DOC2B: variants seen among roughly 807,000 people sequenced by gnomAD.
DOC2B encodes double C2-like domain-containing protein beta.
Under a neutral mutation model 28.9 loss-of-function variants are expected in DOC2B, and 21 were observed. The observed-to-expected ratio is 0.73, with a 90% CI of 0.52 to 1.05. The LOEUF is 1.05. Ranked by LOEUF, DOC2B falls within the 50% of genes least tolerant of loss-of-function variation. DOC2B has a pLI of 0.00. For synonymous variants in DOC2B, 194 were observed against 178.1 expected, an observed-to-expected ratio of 1.09 and a Z score of -0.71; for missense variants, 384 against 421.1, an observed-to-expected ratio of 0.91 and a Z score of 0.77.
chr17:147,664 C>A (rs1010951405), intron 8 of DOC2B, 87 bp from the exon 9 acceptor site: 2 of 398,480 alleles, frequency 5.0e-6, no homozygotes, highest in Non-Finnish European at 8.8e-6. Flanking sequence ...GTTCTGTGCT[C>A]GAAGGCCAGC....
chr17:147,500 G>A lies in DOC2B; in HGVS notation c.1180C>T (p.Arg394Cys), dbSNP rs2040028766. ...WFDCLKNKDK[R>C]IERWHTLTSE... ...GTGAGCGTGTGCCAGCGCTCGATGC[G>A]CTTGTCCTTGTTCTTCAGGCAGTCA... Residue 394 changes from arginine (R) to cysteine (C), a missense_variant, in exon 9 of 9, where the codon CGC becomes TGC. Transcript: ENST00000613549. 1.3e-5 allele frequency: 5 copies of A among 398,714 alleles called. No individual in the cohort carries two copies. Among genetic ancestry groups the A allele is most frequent in the South Asian group, 1.3e-4 (1 of 7,878 alleles). The allele number at this position is 398,714 out of a possible 1,614,324, so 24.7% of individuals were successfully genotyped here.
rs550694728 is a variant in DOC2B, at chr17:160,336, T to C, written c.765+1079A>G. Among the ~76,000 whole-genome samples the C allele has an allele frequency of 1.4e-4, 22 of 152,294 alleles. No homozygotes were observed. The East Asian group carries it at 3.9e-3, about 27-fold the overall frequency. ...AATAAAACAGGAAAGGTTATATCCA[T>C]CACACAAATGTCTGAGGGGGAGAGA... On this transcript the variant is annotated intron_variant, in intron 5 of 8. Transcript: ENST00000613549.
Position 161,561 on chromosome 17 carries a change from G to T in DOC2B, c.639-20C>A. The T allele has an allele frequency of 6.4e-7, 1 of 1,551,468 alleles. No homozygotes were observed. Among genetic ancestry groups the T allele is most frequent in the Non-Finnish European group, 8.7e-7 (1 of 1,146,940 alleles). On this transcript the variant is annotated intron_variant, in intron 4 of 8. Coordinates refer to ENST00000613549, the MANE Select transcript of DOC2B (RefSeq NM_003585.5). Reference sequence around the variant, plus strand: ...GAGATCCTAGAGGGGGCGGTGGTGAGGGGCACAGCCAGTGCCTCAGACGCA... The same window carrying T: ...GAGATCCTAGAGGGGGCGGTGGTGATGGGCACAGCCAGTGCCTCAGACGCA...
rs1193971414 is a variant in DOC2B, at chr17:181,053, G to T, written c.373+54C>A. ...GGAGGGAAGCCGCGAGGCCGTGGGG[G>T]GGCCGAGCCCGAGCCAGGGGAGGGG... On this transcript the variant is annotated intron_variant, in intron 1 of 8. Coordinates refer to ENST00000613549, the MANE Select transcript of DOC2B (RefSeq NM_003585.5). This position sits in a 1 kb window ranked among gnomAD's most constrained non-coding sequence, Gnocchi z 7.0. 2.5e-6 allele frequency: 3 copies of T among 1,209,984 alleles called. No individual in the cohort carries two copies. Among genetic ancestry groups the T allele is most frequent in the Non-Finnish European group, 3.1e-6 (3 of 970,972 alleles). The allele number at this position is 1,209,984 out of a possible 1,614,324, so 75.0% of individuals were successfully genotyped here.
In DOC2B at chr17:142,864, A is replaced by G. The variant is rs1447386388; in HGVS notation, c.*4577T>C. 6.6e-6 allele frequency: 1 copy of G among 152,260 alleles called. No individual in the cohort carries two copies. Among genetic ancestry groups the G allele is most frequent in the Non-Finnish European group, 1.5e-5 (1 of 68,044 alleles). The allele number at this position is 152,260 out of a possible 1,614,324, so 9.4% of individuals were successfully genotyped here. A position where few individuals can be genotyped will look rare whatever the true frequency, so the allele number is the denominator to read the frequency against. On this transcript the variant is annotated 3_prime_UTR_variant, in exon 9 of 9. Transcript: ENST00000613549. ...AATGATGTACAATAAACTGTATTCAACAATTGATCAACATTTTCTAACAAG... is the reference window on the plus strand; with the variant it reads ...AATGATGTACAATAAACTGTATTCAGCAATTGATCAACATTTTCTAACAAG...
In DOC2B at chr17:181,489, GCCGCCCCGCCCCGGGCGCGGC is replaced by G; in HGVS notation, c.-31_-11del. 1 of 1,025,440 alleles carries G rather than the reference GCCGCCCCGCCCCGGGCGCGGC, an allele frequency of 9.8e-7. No individual in the cohort carries two copies. Among genetic ancestry groups the G allele is most frequent in the Non-Finnish European group, 1.2e-6 (1 of 858,460 alleles). 63.5% of individuals were successfully genotyped at this position (1,025,440 alleles called of 1,614,324 possible). A position where few individuals can be genotyped will look rare whatever the true frequency, so the allele number is the denominator to read the frequency against. ...GCCGCCGGAGGGTCATGCAGGCAGC[GCCGCCCCGCCCCGGGCGCGGC>G]CCGGCCCGGCGCGACCCCGGCCCGG... On this transcript the variant is annotated 5_prime_UTR_variant, in exon 1 of 9. Transcript: ENST00000613549. The surrounding 1 kb of genome is among the most constrained non-coding windows in gnomAD (Gnocchi z 7.0).
At chr17:150,975 C>A (rs1216494895) in intron 6 of DOC2B, among the ~76,000 whole-genome samples, 1 of 152,188 alleles carries the variant, frequency 6.6e-6, no homozygotes, top group East Asian at 1.9e-4. Context: ...AACGGCAACA[C>A]CATTGAGACA....
At chr17:158,019 A>G (rs909002207) in intron 5 of DOC2B, among the ~76,000 whole-genome samples, 8 of 152,146 alleles carry the variant, frequency 5.3e-5, no homozygotes, top group African/African-American at 1.9e-4. Flanking sequence ...CTCCCTCAGG[A>G]GAACCCCGAA....
chr17:166,821 C>T (rs75373690), intron 2 of DOC2B, among the ~76,000 whole-genome samples: 1 of 32,196 alleles, frequency 3.1e-5, no homozygotes, highest in Admixed American at 3.0e-4. Flanking sequence ...ATACGTCTCA[C>T]GAGATCTCAT....
chr17:154,611 T>C (rs2040112360), intron 6 of DOC2B, among the ~76,000 whole-genome samples: 1 of 152,248 alleles, frequency 6.6e-6, no homozygotes, highest in South Asian at 2.1e-4. Flanking sequence ...GTTTTTCTTA[T>C]CTCTTGGGTA....
intron 2 of DOC2B, among the ~76,000 whole-genome samples, chr17:169,291 T>C (rs926036772): frequency 1.3e-5 from 2 of 151,634 alleles, no homozygotes; most frequent in Admixed American, 6.6e-5. Context: ...TTACATGAGG[T>C]CCCTAGAATA....
At chr17:154,743 A>T (rs1316663767) in intron 6 of DOC2B, among the ~76,000 whole-genome samples, 1 of 151,930 alleles carries the variant, frequency 6.6e-6, no homozygotes, top group Non-Finnish European at 1.5e-5. Context: ...TTTGTTTATT[A>T]TATTTTGAGA....
chr17:165,244 C>T (rs938360796), intron 2 of DOC2B, among the ~76,000 whole-genome samples: 24 of 152,184 alleles, frequency 1.6e-4, no homozygotes, highest in Middle Eastern at 3.4e-3. Context: ...CACGGTGGCT[C>T]ACGCCTGTAA....
intron 1 of DOC2B, 141 bp downstream of exon 1, chr17:180,966 C>T (rs1054469521): frequency 1.0e-5 from 7 of 678,246 alleles, no homozygotes; most frequent in Non-Finnish European, 1.4e-5. Context: ...GCGCCAGGGG[C>T]CCGCAAGCCC....
chr17:148,839 A>G (rs1280188482), intron 7 of DOC2B, among the ~76,000 whole-genome samples: 1 of 136,318 alleles, frequency 7.3e-6, no homozygotes, highest in South Asian at 2.4e-4. Context: ...GTTTCTCCCC[A>G]TCTTCCTCAC....
intron 3 of DOC2B, 62 bp downstream of exon 3, chr17:164,068 G>C: frequency 1.5e-6 from 2 of 1,331,902 alleles, no homozygotes; most frequent in Non-Finnish European, 2.1e-6. Context: ...AAGGACCAGA[G>C]TGCATTGCCT....
chr17:169,725 AG>A (rs1244326566), intron 2 of DOC2B, among the ~76,000 whole-genome samples: 8 of 152,008 alleles, frequency 5.3e-5, no homozygotes, highest in African/African-American at 1.9e-4. Context: ...CAGGGTGTCC[AG>A]CCCCCACCCT....
At chr17:168,639 G>A (rs1206267260) in intron 2 of DOC2B, among the ~76,000 whole-genome samples, 12 of 59,442 alleles carry the variant, frequency 2.0e-4, no homozygotes, top group Non-Finnish European at 3.9e-4. Flanking sequence ...TAGTGAATAC[G>A]TCTCACGAGA....
At chr17:174,043 T>C (rs2040341847) in intron 1 of DOC2B, among the ~76,000 whole-genome samples, 1 of 152,226 alleles carries the variant, frequency 6.6e-6, no homozygotes, top group South Asian at 2.1e-4. Flanking sequence ...GGGCGAGTGC[T>C]GGGCCCAGGC....
Sources: gnomAD v4.1 joint callset for allele counts (sites outside exome capture counted in the v4.1 genomes callset) on GRCh38, gnomAD v4.1.1 for gene constraint, Gnocchi (gnomAD v3.1) non-coding constraint, MANE v1.5 for transcripts, NCBI Gene and HGNC (gene_info 2026-07-23, HGNC 2026-07-21) for gene names.